The following CYP20A1 variants were observed in gnomAD, a reference collection of about 807,000 sequenced individuals.
CYP20A1 encodes the protein cytochrome P450 20A1.
Under a neutral mutation model 61.4 loss-of-function variants are expected in CYP20A1, and 61 were observed. That is an observed-to-expected ratio of 0.99 (90% CI 0.81 to 1.23). The LOEUF is 1.23. Among genes scored for constraint, CYP20A1 ranks in the 50% most tolerant of loss-of-function variants. The probability of loss-of-function intolerance (pLI) is 0.00; values close to 1 mark genes in which losing one functional copy is unlikely to be tolerated. For synonymous variants in CYP20A1, 193 were observed against 188.2 expected (o/e 1.03, Z -0.21); for missense variants, 530 against 542.4 (o/e 0.98, Z 0.23).
chr2:203,273,603 C>G (rs1158889901), intron 6 of CYP20A1, among the ~76,000 whole-genome samples: 7 of 152,036 alleles, frequency 4.6e-5, no homozygotes, highest in Non-Finnish European at 1.0e-4. Context: ...ATTTTGAGAC[C>G]AGCCTGGGCA....
intron 9 of CYP20A1, among the ~76,000 whole-genome samples, chr2:203,287,706 A>AGAAT (rs2068340905): frequency 6.6e-6 from 1 of 151,540 alleles, no homozygotes; most frequent in African/African-American, 2.4e-5. Flanking sequence ...CTATCTCTTA[A>AGAAT]AAATAAGTAA....
intron 7 of CYP20A1, among the ~76,000 whole-genome samples, chr2:203,279,119 C>G (rs566338357): frequency 6.6e-6 from 1 of 152,228 alleles, no homozygotes; most frequent in South Asian, 2.1e-4. Flanking sequence ...CGCGCACCAC[C>G]ACGCCCAGAT....
At chr2:203,254,666 G>A (rs929399427) in intron 4 of CYP20A1, among the ~76,000 whole-genome samples, 2 of 152,038 alleles carry the variant, frequency 1.3e-5, no homozygotes, top group Non-Finnish European at 2.9e-5. Context: ...TGTATTGTAA[G>A]CATTTTTATA....
Position 203,278,628 on chromosome 2 carries a change from G to A in CYP20A1, c.735G>A (p.Arg245=), listed in dbSNP as rs1198893289. The A allele has an allele frequency of 6.2e-7, 1 of 1,607,824 alleles. No homozygotes were observed. The highest frequency in any genetic ancestry group is 8.5e-7 in the Non-Finnish European group (1 of 1,177,142). ...LRNIIKERKG[R]NFSQHIFIDS... The stretch of plus-strand genomic sequence containing the variant: ...ACATCATAAAAGAACGAAAAGGAAG[G>A]AACTTCAGTCAACATATTTTCATTG... The change falls in exon 7 of 13, where the codon AGG becomes AGA. Residue 245 remains arginine, a synonymous_variant. Coordinates refer to ENST00000356079, the MANE Select transcript of CYP20A1 (RefSeq NM_177538.3).
chr2:203,278,612 AAG>A lies in CYP20A1; in HGVS notation c.721_722del (p.Glu241ThrfsTer13). 1.2e-6 allele frequency: 2 copies of A among 1,606,870 alleles called. No individual in the cohort carries two copies. Among genetic ancestry groups the A allele is most frequent in the Non-Finnish European group, 1.7e-6 (2 of 1,176,984 alleles). ...GAGTCTGTTTTAAGGAACATCATAA[AAG>A]AACGAAAAGGAAGGAACTTCAGTCA... On this transcript the variant is annotated frameshift_variant, in exon 7 of 13. Coordinates refer to ENST00000356079, the MANE Select transcript of CYP20A1 (RefSeq NM_177538.3). LOFTEE classifies it high-confidence loss of function.
chr2:203,285,908 G>A (rs1311629913), intron 9 of CYP20A1, among the ~76,000 whole-genome samples, 176 bp downstream of exon 9: 1 of 152,132 alleles, frequency 6.6e-6, no homozygotes, highest in East Asian at 1.9e-4. Context: ...GGTTGTGTGG[G>A]AAATGTTTAA....
intron 6 of CYP20A1, among the ~76,000 whole-genome samples, chr2:203,273,287 A>G (rs1349419191): frequency 6.6e-6 from 1 of 152,228 alleles, no homozygotes; most frequent in Admixed American, 6.6e-5. Context: ...GGTATACTCT[A>G]CAGGATTAAT....
chr2:203,287,235 A>AG (rs1462073012), intron 9 of CYP20A1, among the ~76,000 whole-genome samples: 61 of 151,002 alleles, frequency 4.0e-4, no homozygotes, highest in Admixed American at 6.0e-4. Context: ...AAAAAAAAAA[A>AG]AAAAGAAAAG....
chr2:203,268,622 T>G (rs1055675618), intron 5 of CYP20A1, among the ~76,000 whole-genome samples: 5 of 152,194 alleles, frequency 3.3e-5, no homozygotes, highest in Non-Finnish European at 7.3e-5. Flanking sequence ...TTTGTTTTGT[T>G]TTTTACATCC....
intron 5 of CYP20A1, among the ~76,000 whole-genome samples, chr2:203,267,767 C>T (rs1489577075): frequency 2.0e-5 from 3 of 150,632 alleles, no homozygotes; most frequent in East Asian, 2.0e-4. Flanking sequence ...CACCCAAACC[C>T]GGGAGCTGGA....
chr2:203,251,536 G>A (rs1197611369), intron 3 of CYP20A1, among the ~76,000 whole-genome samples: 1 of 151,484 alleles, frequency 6.6e-6, no homozygotes, highest in Admixed American at 6.6e-5. Flanking sequence ...TTGGGAGGCT[G>A]AGGCAGGCGG....
intron 3 of CYP20A1, among the ~76,000 whole-genome samples, chr2:203,247,426 T>C (rs181114328): frequency 3.9e-5 from 6 of 152,338 alleles, no homozygotes; most frequent in African/African-American, 1.2e-4. Flanking sequence ...GTGTTTTTCC[T>C]TAATTTATAA....
At chr2:203,295,607 T>C (rs887315722) in intron 11 of CYP20A1, among the ~76,000 whole-genome samples, 2 of 152,170 alleles carry the variant, frequency 1.3e-5, no homozygotes, top group Non-Finnish European at 2.9e-5. Flanking sequence ...GTAACAATCT[T>C]ATACCTTGGT....
At chr2:203,262,599 C>T in intron 4 of CYP20A1, among the ~76,000 whole-genome samples, 1 of 127,934 alleles carries the variant, frequency 7.8e-6, no homozygotes. Context: ...CGTTAATAAA[C>T]AGTGCTTTCC....
chr2:203,244,190 G>A (rs1430618622), intron 1 of CYP20A1, among the ~76,000 whole-genome samples: 4 of 151,342 alleles, frequency 2.6e-5, no homozygotes, highest in African/African-American at 4.9e-5. Flanking sequence ...AAATGGCTCC[G>A]GCACAGCAGT....
chr2:203,292,981 C>A (rs2068604193), intron 11 of CYP20A1, among the ~76,000 whole-genome samples: 1 of 151,828 alleles, frequency 6.6e-6, no homozygotes, highest in Non-Finnish European at 1.5e-5. Context: ...CAAGACCAGC[C>A]TGGCTAACAT....
intron 1 of CYP20A1, among the ~76,000 whole-genome samples, chr2:203,245,110 A>G (rs1328146054): frequency 3.0e-5 from 4 of 131,642 alleles, no homozygotes; most frequent in Admixed American, 8.2e-5. Flanking sequence ...GCTCAGTGCA[A>G]CCTCTGCCTC....
At chr2:203,245,218 G>A (rs2066419477) in intron 1 of CYP20A1, among the ~76,000 whole-genome samples, 1 of 151,100 alleles carries the variant, frequency 6.6e-6, no homozygotes, top group African/African-American at 2.4e-5. Context: ...AGTAGAGAAG[G>A]GGTTTCACCG....
At chr2:203,263,475 A>G (rs547376690) in intron 4 of CYP20A1, among the ~76,000 whole-genome samples, 1 of 151,674 alleles carries the variant, frequency 6.6e-6, no homozygotes, top group Non-Finnish European at 1.5e-5. Context: ...TTTTCAGTAG[A>G]GAATGGGTTT....
Sources: gnomAD v4.1 joint callset for allele counts (sites outside exome capture counted in the v4.1 genomes callset) on GRCh38, gnomAD v4.1.1 for gene constraint, MANE v1.5 for transcripts, NCBI Gene and HGNC (gene_info 2026-07-23, HGNC 2026-07-21) for gene names.